KCNMA1: variants seen among roughly 807,000 people sequenced by gnomAD.
KCNMA1 encodes potassium calcium-activated channel subfamily M alpha 1, also known as Calcium-activated potassium channel subunit alpha-1.
A neutral mutation model predicts 140.0 loss-of-function variants in KCNMA1; 29 were observed. The observed-to-expected ratio is 0.21, with a 90% confidence interval of 0.15 to 0.28. The LOEUF (loss-of-function observed/expected upper bound fraction) is 0.28, where lower values mean the gene tolerates loss of function less well. KCNMA1 is among the 10% of genes least tolerant of loss of function. The pLI is 1.00. For missense variants in KCNMA1, 880 were observed against 1,602.2 expected, an observed-to-expected ratio of 0.55 and a Z score of 7.70; for synonymous variants, 612 against 611.9, an observed-to-expected ratio of 1.00 and a Z score of 0.00.
At chr10:77,295,360 G>A (rs368356384) in intron 2 of KCNMA1, among the ~76,000 whole-genome samples, 1 of 128,538 alleles carries the variant, frequency 7.8e-6, no homozygotes, top group Non-Finnish European at 1.9e-5. Context: ...AAAAAAAAAA[G>A]AGAGTAGTGT....
Position 77,264,094 on chromosome 10 carries a change from G to T in KCNMA1, c.541-12838C>A, listed in dbSNP as rs145342214. 6.3e-4 allele frequency among the ~76,000 whole-genome samples: 96 copies of T among 152,292 alleles called. 1 individual carries two copies. Among genetic ancestry groups the T allele is most frequent in the African/African-American group, 2.2e-3 (91 of 41,576 alleles). On this transcript the variant is annotated intron_variant, in intron 2 of 27. Transcript: ENST00000286628. ...AATTCCCACTCCTACAGCCTGGAAAGTTGGAAGGCAGAGTCAGCAGCATAA... is the reference window on the plus strand; with the variant it reads ...AATTCCCACTCCTACAGCCTGGAAATTTGGAAGGCAGAGTCAGCAGCATAA...
chr10:76,964,568 G>T (rs978924028), intron 20 of KCNMA1, among the ~76,000 whole-genome samples: 2 of 152,112 alleles, frequency 1.3e-5, no homozygotes, highest in African/African-American at 4.8e-5. Flanking sequence ...ATCAGTTTGT[G>T]CATTAAGAGA....
At chr10:77,162,130 C>T (rs755848796) in intron 5 of KCNMA1, among the ~76,000 whole-genome samples, 25 of 152,102 alleles carry the variant, frequency 1.6e-4, no homozygotes, top group Non-Finnish European at 2.8e-4. Context: ...CTTGGTGGCC[C>T]CCATTCCAAG....
intron 1 of KCNMA1, among the ~76,000 whole-genome samples, chr10:77,608,837 G>C (rs2085569855): frequency 6.6e-6 from 1 of 152,130 alleles, no homozygotes; most frequent in South Asian, 2.1e-4. Context: ...TATATAAAAA[G>C]GTGCTCAACA....
chr10:76,891,411 A>G (rs752807367), intron 26 of KCNMA1, 114 bp downstream of exon 26: 7 of 782,056 alleles, frequency 9.0e-6, no homozygotes, highest in Admixed American at 2.0e-5. Flanking sequence ...ACAGTTATCT[A>G]CAATAGGAAG....
At chr10:76,888,544 A>G (rs1289843863) in intron 27 of KCNMA1, among the ~76,000 whole-genome samples, 1 of 152,156 alleles carries the variant, frequency 6.6e-6, no homozygotes, top group Non-Finnish European at 1.5e-5. Flanking sequence ...TATATTATGC[A>G]AACTCACTGA....
chr10:77,251,949 T>C (rs937704774), intron 2 of KCNMA1, among the ~76,000 whole-genome samples: 6 of 152,192 alleles, frequency 3.9e-5, no homozygotes, highest in African/African-American at 9.7e-5. Context: ...TGTGTGGACA[T>C]ACATAAAGAT....
intron 19 of KCNMA1, among the ~76,000 whole-genome samples, chr10:76,984,004 A>G (rs1208618310): frequency 6.6e-6 from 1 of 152,094 alleles, no homozygotes; most frequent in Admixed American, 6.5e-5. Flanking sequence ...TGCACATTTG[A>G]TTTCTCTCTT....
chr10:77,468,171 C>T (rs2098074252), intron 1 of KCNMA1, among the ~76,000 whole-genome samples: 1 of 152,082 alleles, frequency 6.6e-6, no homozygotes, highest in Non-Finnish European at 1.5e-5. Flanking sequence ...CCATGCCTGG[C>T]TAATTTTTGT....
chr10:77,617,989 T>C (rs1286871205), intron 1 of KCNMA1, among the ~76,000 whole-genome samples: 1 of 152,168 alleles, frequency 6.6e-6, no homozygotes, highest in Non-Finnish European at 1.5e-5. Context: ...TAAAATACCA[T>C]GTGATCAAGT....
chr10:76,910,138 C>T (rs1406576406), intron 24 of KCNMA1, 42 bp from the exon 25 acceptor site: 1 of 1,610,538 alleles, frequency 6.2e-7, no homozygotes, highest in Non-Finnish European at 8.5e-7. Context: ...GAAGACCACA[C>T]ACAGGCATTG....
chr10:77,167,220 C>A (rs147201640), intron 5 of KCNMA1, among the ~76,000 whole-genome samples: 39 of 152,062 alleles, frequency 2.6e-4, no homozygotes, highest in Non-Finnish European at 1.5e-4. Context: ...AATGAGAACA[C>A]GCAATATTTG....
At chr10:76,967,132 C>T (rs1057280803) in intron 20 of KCNMA1, among the ~76,000 whole-genome samples, 4 of 152,138 alleles carry the variant, frequency 2.6e-5, no homozygotes, top group African/African-American at 9.7e-5. Context: ...AAATTACAGC[C>T]CATCCTAGCC....
At chr10:76,947,043 G>A (rs976496651) in intron 22 of KCNMA1, among the ~76,000 whole-genome samples, 7 of 152,228 alleles carry the variant, frequency 4.6e-5, no homozygotes, top group African/African-American at 1.4e-4. Context: ...ACGTGTACAA[G>A]GGCACACAGA....
intron 29 of KCNMA1, among the ~76,000 whole-genome samples, chr10:76,878,461 G>A (rs1224170489): frequency 6.6e-6 from 1 of 152,010 alleles, no homozygotes; most frequent in Non-Finnish European, 1.5e-5. Flanking sequence ...CACTTTGGGG[G>A]GTCTAAACTA....
At chr10:77,370,422 T>C (rs1050673058) in intron 2 of KCNMA1, among the ~76,000 whole-genome samples, 1 of 152,144 alleles carries the variant, frequency 6.6e-6, no homozygotes, top group Non-Finnish European at 1.5e-5. Flanking sequence ...CCCTTCCACA[T>C]ATGATAAGAA....
chr10:77,084,580 C>T, intron 12 of KCNMA1, 57 bp downstream of exon 12: 1 of 1,333,920 alleles, frequency 7.5e-7, no homozygotes, highest in Non-Finnish European at 1.1e-6. Flanking sequence ...TCCAAAAGGG[C>T]CGTGAACAGC....
chr10:77,224,796 T>C (rs151061341), intron 3 of KCNMA1, among the ~76,000 whole-genome samples: 11 of 152,222 alleles, frequency 7.2e-5, no homozygotes, highest in East Asian at 1.9e-4. Flanking sequence ...TCCTCATCCA[T>C]CAAATGTCGA....
chr10:77,097,486 G>A (rs996591923), intron 9 of KCNMA1, among the ~76,000 whole-genome samples: 3 of 152,114 alleles, frequency 2.0e-5, no homozygotes, highest in Non-Finnish European at 4.4e-5. Context: ...ATGCATCTTG[G>A]AGACTCTATC....
Sources: allele counts gnomAD v4.1 joint callset (sites outside exome capture counted in the v4.1 genomes callset), GRCh38; gene constraint gnomAD v4.1.1; transcripts MANE v1.5; gene names NCBI Gene and HGNC (gene_info 2026-07-23, HGNC 2026-07-21).